VWA5B2: variants seen among roughly 807,000 people sequenced by gnomAD.
VWA5B2 encodes von Willebrand factor A domain-containing protein 5B2.
A neutral mutation model predicts 118.5 loss-of-function variants in VWA5B2; 93 were observed. The observed-to-expected ratio is 0.79, with a 90% CI of 0.66 to 0.93. VWA5B2 has a LOEUF of 0.93. Ranked by LOEUF, VWA5B2 falls within the 40% of genes least tolerant of loss-of-function variation. The probability of loss-of-function intolerance (pLI) is 0.00; values close to 1 mark genes in which losing one functional copy is unlikely to be tolerated. For missense variants in VWA5B2, 1,546 were observed against 1,672.8 expected (o/e 0.92, Z 1.32); for synonymous variants, 708 against 716.3 (o/e 0.99, Z 0.19).
chr3:184,240,907 G>T lies in VWA5B2; in HGVS notation c.2857G>T (p.Ala953Ser), dbSNP rs1718529723. The change falls in exon 17 of 20, where the codon GCC (alanine) becomes TCC (serine). Residue 953 changes from alanine to serine, a missense_variant. Around this residue, in one of 3 missense-constraint regions of VWA5B2, gnomAD observed 763 missense variants for 766.6 expected, o/e 1.00. Transcript: ENST00000691901. ...TACTACTAGGGAGGTCCTGCCTGGG[G>T]CCCTGCAGGTGTGCAGCTCAGGTAG... is the stretch of plus-strand genomic sequence containing the variant. ...DATTREVLPGALQVCSSEPAE... is the reference protein window; with the variant it reads ...DATTREVLPGSLQVCSSEPAE... 1 of 1,551,466 alleles carries T rather than the reference G, an allele frequency of 6.4e-7. No individual in the cohort carries two copies. The highest frequency in any genetic ancestry group is 8.7e-7 in the Non-Finnish European group (1 of 1,146,974).
In VWA5B2 at chr3:184,239,162, T is replaced by C. The variant is rs1164276499; in HGVS notation, c.2203-232T>C. 6.6e-6 allele frequency among the ~76,000 whole-genome samples: 1 copy of C among 151,898 alleles called. No individual in the cohort carries two copies. Among genetic ancestry groups the C allele is most frequent in the Non-Finnish European group, 1.5e-5 (1 of 67,982 alleles). On this transcript the variant is annotated intron_variant, in intron 14 of 19. Coordinates refer to ENST00000691901, the MANE Select transcript of VWA5B2 (RefSeq NM_001390846.1). The surrounding 1 kb of genome is among the most constrained non-coding windows in gnomAD (Gnocchi z 5.1). ...GAGAGGGAGAAGACATAAACGAAAA[T>C]ACAGAGACAAGCAACAACCACAAGT...
Position 184,238,385 on chromosome 3 carries a change from C to G in VWA5B2, c.1802C>G (p.Thr601Ser). The G allele has an allele frequency of 3.2e-6, 5 of 1,550,812 alleles. No homozygotes were observed. The highest frequency in any genetic ancestry group is 4.4e-6 in the Non-Finnish European group (5 of 1,146,874). The change falls in exon 13 of 20, where the codon ACT (threonine) becomes AGT (serine). Residue 601 changes from threonine (T) to serine (S), a missense_variant. Coordinates refer to ENST00000691901, the MANE Select transcript of VWA5B2 (RefSeq NM_001390846.1). This position sits in a 1 kb window ranked among gnomAD's most constrained non-coding sequence, Gnocchi z 5.0. Reference sequence around the variant, plus strand: ...GCCCCGTCTGCTGCCAGCCCTGGCACTGAGCCCACTGGCACCTCAGAGCCA... The same window carrying G: ...GCCCCGTCTGCTGCCAGCCCTGGCAGTGAGCCCACTGGCACCTCAGAGCCA... ...EEAPSAASPG[T>S]EPTGTSEPLG...
intron 3 of VWA5B2, chr3:184,232,876 A>G (rs928342326): frequency 2.2e-6 from 1 of 447,876 alleles, no homozygotes; most frequent in Non-Finnish European, 4.0e-6. Context: ...GGAGAGGGGC[A>G]GAGGGTGTGG....
At position 184,230,433 on chromosome 3, in the gene VWA5B2, G is replaced by T; in HGVS notation, c.-96G>T. ...AGGCCCCGTCCGGGTGCTGGAGTGA[G>T]ACTCTCGCGCTGGCCTCTGGAGCGC... is the stretch of plus-strand genomic sequence containing the variant. On this transcript the variant is annotated 5_prime_UTR_variant, in exon 2 of 20. Coordinates refer to ENST00000691901, the MANE Select transcript of VWA5B2 (RefSeq NM_001390846.1). The T allele has an allele frequency of 7.7e-7, 1 of 1,297,232 alleles. No homozygotes were observed. Among genetic ancestry groups the T allele is most frequent in the South Asian group, 1.9e-5 (1 of 52,770 alleles). The allele number at this position is 1,297,232 out of a possible 1,614,324, so 80.4% of individuals were successfully genotyped here.
chr3:184,240,630 T>C, intron 16 of VWA5B2, 161 bp from the exon 17 acceptor site: 1 of 992,636 alleles, frequency 1.0e-6, no homozygotes, highest in Non-Finnish European at 1.4e-6. Flanking sequence ...TCACTTCTTG[T>C]CAAAGTTGGG....
intron 16 of VWA5B2, chr3:184,240,526 C>A (rs1718471536): frequency 1.9e-6 from 1 of 519,198 alleles, no homozygotes; most frequent in Non-Finnish European, 3.4e-6. Context: ...GGAAAATGTG[C>A]CAGCTAATGC....
rs1466419920 is a variant in VWA5B2 at position 184,234,647 on chromosome 3, C to G, written c.837C>G (p.His279Gln). The change falls in exon 7 of 20, where the codon CAC becomes CAG. Residue 279 changes from histidine (H) to glutamine (Q), a missense_variant. Coordinates refer to ENST00000691901, the MANE Select transcript of VWA5B2 (RefSeq NM_001390846.1). ...TCCTCTCAGAGCCCCATCAGCCACACCTGATGCTGGAGGGCGGCAGCCTGA... is the reference window on the plus strand; with the variant it reads ...TCCTCTCAGAGCCCCATCAGCCACAGCTGATGCTGGAGGGCGGCAGCCTGA... ...LLHPSEPHQP[H>Q]LMLEGGSLSS... 1.2e-5 allele frequency: 19 copies of G among 1,551,288 alleles called. No homozygotes were observed. Among genetic ancestry groups the G allele is most frequent in the Non-Finnish European group, 1.4e-5 (16 of 1,146,994 alleles).
intron 1 of VWA5B2, among the ~76,000 whole-genome samples, chr3:184,230,063 G>C (rs1310312354): frequency 1.3e-5 from 2 of 152,142 alleles, no homozygotes; most frequent in African/African-American, 4.8e-5. Flanking sequence ...GGGGGCCTCC[G>C]GGGGGATTCG....
chr3:184,235,372 T>C, intron 8 of VWA5B2, 64 bp downstream of exon 8: 1 of 1,509,056 alleles, frequency 6.6e-7, no homozygotes. Context: ...TGAGGAGGGC[T>C]GGGGGCAGCC....
rs766539462 is a variant in VWA5B2, at chr3:184,235,121, TGC to T, written c.946-31_946-30del. 9.1e-6 allele frequency: 14 copies of T among 1,545,364 alleles called. No individual in the cohort carries two copies. In the African/African-American group the frequency reaches 9.6e-5, roughly 11 times the overall value. On this transcript the variant is annotated intron_variant, in intron 7 of 19. Transcript: ENST00000691901. The stretch of plus-strand genomic sequence containing the variant: ...CCCTCAACAAAGTAGCACTAAGCCT[TGC>T]CCAGGCTGACTTGGGACTCCCCCGC...
intron 3 of VWA5B2, chr3:184,232,908 T>C: frequency 3.8e-6 from 2 of 521,366 alleles, no homozygotes; most frequent in Non-Finnish European, 6.7e-6. Context: ...GCCTTGAGAG[T>C]GGACATGGCC....
In VWA5B2 at chr3:184,241,479, T is replaced by C. The variant is rs756414560; in HGVS notation, c.3181-11T>C. Reference sequence around the variant, plus strand: ...TCAGCTCGCTTCTCCCCCCACCTCCTCTCTCCTCAGGTGCGGCTGCAGGAG... The same window carrying C: ...TCAGCTCGCTTCTCCCCCCACCTCCCCTCTCCTCAGGTGCGGCTGCAGGAG... On this transcript the variant is annotated splice_polypyrimidine_tract_variant and intron_variant, in intron 19 of 19. Coordinates refer to ENST00000691901, the MANE Select transcript of VWA5B2 (RefSeq NM_001390846.1). The surrounding 1 kb of genome is among the most constrained non-coding windows in gnomAD (Gnocchi z 5.1). 2 of 1,551,170 alleles carry C rather than the reference T, an allele frequency of 1.3e-6. No individual in the cohort carries two copies. The highest frequency in any genetic ancestry group is 2.4e-5 in the South Asian group (2 of 83,860).
Position 184,239,500 on chromosome 3 carries a change from C to A in VWA5B2, c.2309C>A (p.Pro770His). 1 of 1,550,030 alleles carries A rather than the reference C, an allele frequency of 6.5e-7. No homozygotes were observed. Among genetic ancestry groups the A allele is most frequent in the Non-Finnish European group, 8.7e-7 (1 of 1,146,470 alleles). Reference protein sequence around the residue: ...PGRANQVPGRPRKPSLGAILD... With the variant: ...PGRANQVPGRHRKPSLGAILD... ...CGGGCAAACCAAGTCCCCGGCCGAC[C>A]CCGGAAACCCTCTTTGGGTGCAATA... Residue 770 changes from proline to histidine, a missense_variant, in exon 15 of 20, where the codon CCC (proline) becomes CAC (histidine). This residue lies in a region of VWA5B2 where 763 missense variants were observed against 766.6 expected (regional missense o/e 1.00). Transcript: ENST00000691901. This position sits in a 1 kb window ranked among gnomAD's most constrained non-coding sequence, Gnocchi z 5.1.
At position 184,230,489 on chromosome 3, in the gene VWA5B2, CT is replaced by C. The variant is rs771777056; in HGVS notation, c.-38del. ...GGGCGTCCCGTCACCCTGCGCCCAGCTTCCCCGGCCCGTTCCCGCAGGGCCG... is the reference window on the plus strand; with the variant it reads ...GGGCGTCCCGTCACCCTGCGCCCAGCTCCCCGGCCCGTTCCCGCAGGGCCG... On this transcript the variant is annotated 5_prime_UTR_variant, in exon 2 of 20. Coordinates refer to ENST00000691901, the MANE Select transcript of VWA5B2 (RefSeq NM_001390846.1). 7.1e-5 allele frequency: 100 copies of C among 1,409,636 alleles called. 2 individuals carry two copies. The South Asian group carries it at 1.4e-3, about 19-fold the overall frequency. 87.3% of individuals were successfully genotyped at this position (1,409,636 alleles called of 1,614,324 possible).
rs1210846019 is a variant in VWA5B2, at chr3:184,238,955, G to C, written c.2202+82G>C. Reference sequence around the variant, plus strand: ...TGCTGTGCACCAGATATTATGTAGAGTTTACTATTAAGTCTAGCTAGAGAG... The same window carrying C: ...TGCTGTGCACCAGATATTATGTAGACTTTACTATTAAGTCTAGCTAGAGAG... On this transcript the variant is annotated intron_variant, in intron 14 of 19. Transcript: ENST00000691901. This position sits in a 1 kb window ranked among gnomAD's most constrained non-coding sequence, Gnocchi z 5.0. 7 of 1,353,736 alleles carry C rather than the reference G, an allele frequency of 5.2e-6. No homozygotes were observed. The highest frequency in any genetic ancestry group is 5.9e-6 in the Non-Finnish European group (6 of 1,013,764). 83.9% of individuals were successfully genotyped at this position (1,353,736 alleles called of 1,614,324 possible).
At position 184,239,496 on chromosome 3, in the gene VWA5B2, C is replaced by T. The variant is rs763578707; in HGVS notation, c.2305C>T (p.Arg769Ter). Residue 769 changes from arginine to a stop codon, truncating the protein, a stop_gained, in exon 15 of 20, where the codon CGA becomes TGA. Transcript: ENST00000691901. LOFTEE classifies it high-confidence loss of function. This position sits in a 1 kb window ranked among gnomAD's most constrained non-coding sequence, Gnocchi z 5.1. ...PPGRANQVPG[R>*]PRKPSLGAIL... ...AGGCCGGGCAAACCAAGTCCCCGGC[C>T]GACCCCGGAAACCCTCTTTGGGTGC... The T allele has an allele frequency of 1.5e-5, 23 of 1,549,784 alleles. No individual in the cohort carries two copies. Among genetic ancestry groups the T allele is most frequent in the East Asian group, 2.4e-5 (1 of 40,882 alleles).
chr3:184,233,049 A>T lies in VWA5B2; in HGVS notation c.311-129A>T. On this transcript the variant is annotated intron_variant, in intron 3 of 19. Coordinates refer to ENST00000691901, the MANE Select transcript of VWA5B2 (RefSeq NM_001390846.1). The surrounding 1 kb of genome is among the most constrained non-coding windows in gnomAD (Gnocchi z 5.2). ...TGCCTCCATCCTGCGTCACCAATGC[A>T]TTAGCCTAGTGCCAACACGCAAAGT... The T allele has an allele frequency of 1.3e-6, 1 of 757,912 alleles. No individual in the cohort carries two copies. Among genetic ancestry groups the T allele is most frequent in the South Asian group, 1.8e-5 (1 of 55,514 alleles). 46.9% of individuals were successfully genotyped at this position (757,912 alleles called of 1,614,324 possible). A position where few individuals can be genotyped will look rare whatever the true frequency, so the allele number is the denominator to read the frequency against.
In VWA5B2 at chr3:184,233,338, C is replaced by T. The variant is rs1175802335; in HGVS notation, c.471C>T (p.Thr157=). The T allele has an allele frequency of 3.9e-6, 6 of 1,537,012 alleles. No individual in the cohort carries two copies. The highest frequency in any genetic ancestry group is 1.2e-5 in the South Asian group (1 of 81,668). ...ATGTGGCCCTGCCCACTGTGCTCAC[C>T]CCGCTGGCCCCGCCAGGCCCGCCGG... ...VLHVALPTVL[T]PLAPPGPPGP... Residue 157 remains threonine, a synonymous_variant, in exon 4 of 20, where the codon ACC becomes ACT. Coordinates refer to ENST00000691901, the MANE Select transcript of VWA5B2 (RefSeq NM_001390846.1). This position sits in a 1 kb window ranked among gnomAD's most constrained non-coding sequence, Gnocchi z 5.2.
chr3:184,241,807 C>G lies in VWA5B2; in HGVS notation c.3498C>G (p.Thr1166=). The change falls in exon 20 of 20, where the codon ACC becomes ACG. Residue 1166 remains threonine, a synonymous_variant. Transcript: ENST00000691901. The surrounding 1 kb of genome is among the most constrained non-coding windows in gnomAD (Gnocchi z 5.1). ...GLGGTDLRGR[T]WATAVALAWL... is the part of the protein sequence containing the mutation. ...GCGGCACCGACCTGCGGGGCCGGAC[C>G]TGGGCCACTGCCGTAGCACTCGCCT... The G allele has an allele frequency of 2.6e-6, 4 of 1,509,612 alleles. No homozygotes were observed. The highest frequency in any genetic ancestry group is 3.5e-6 in the Non-Finnish European group (4 of 1,130,392). The allele number at this position is 1,509,612 out of a possible 1,614,324, so 93.5% of individuals were successfully genotyped here. A position where few individuals can be genotyped will look rare whatever the true frequency, so the allele number is the denominator to read the frequency against.
Sources: allele counts gnomAD v4.1 joint callset (sites outside exome capture counted in the v4.1 genomes callset), GRCh38; gene constraint gnomAD v4.1.1; regional missense constraint gnomAD v4.1.1; non-coding constraint Gnocchi (gnomAD v3.1); transcripts MANE v1.5; gene names NCBI Gene and HGNC (gene_info 2026-07-23, HGNC 2026-07-21).